Variants in CMSS1 observed in about 807,000 individuals in gnomAD.
The protein encoded by CMSS1 is protein CMSS1.
A neutral mutation model predicts 43.5 loss-of-function variants in CMSS1; 33 were observed. That is an observed-to-expected ratio of 0.76 (90% CI 0.57 to 1.01). The LOEUF (loss-of-function observed/expected upper bound fraction) is 1.01. CMSS1 is among the 50% of genes least tolerant of loss of function. The pLI, the probability that CMSS1 is intolerant of heterozygous loss-of-function variation, is 0.00. For missense variants in CMSS1, 313 were observed against 326.4 expected (o/e 0.96, Z 0.32); for synonymous variants, 115 against 117.2 (o/e 0.98, Z 0.12).
chr3:99,924,532 G>T, intron 1 of CMSS1: 2 of 1,008,530 alleles, frequency 2.0e-6, no homozygotes, highest in Non-Finnish European at 3.0e-6. Flanking sequence ...TTGTTTGTTT[G>T]TTTTGAAACA....
intron 1 of CMSS1, among the ~76,000 whole-genome samples, chr3:100,134,479 C>T (rs1483061854): frequency 1.3e-5 from 2 of 152,056 alleles, no homozygotes; most frequent in Non-Finnish European, 1.5e-5. Context: ...CAAATAAGTT[C>T]GAGGATGGCC....
intron 1 of CMSS1, among the ~76,000 whole-genome samples, chr3:100,000,576 G>A (rs183635440): frequency 6.6e-6 from 1 of 152,194 alleles, no homozygotes; most frequent in Non-Finnish European, 1.5e-5. Context: ...CTGACCAGGC[G>A]CAGTAGCTTA....
chr3:100,138,497 A>G (rs1423463202), intron 1 of CMSS1, among the ~76,000 whole-genome samples: 1 of 152,194 alleles, frequency 6.6e-6, no homozygotes, highest in Non-Finnish European at 1.5e-5. Flanking sequence ...AATTTACAAG[A>G]AAAAAACAAC....
At chr3:99,851,445 C>T in intron 1 of CMSS1, among the ~76,000 whole-genome samples, 1 of 152,214 alleles carries the variant, frequency 6.6e-6, no homozygotes, top group Admixed American at 6.5e-5. Flanking sequence ...CGACCCTACT[C>T]TTACCAACTA....
At chr3:99,930,739 C>G (rs1260909307) in intron 1 of CMSS1, 1 of 1,607,442 alleles carries the variant, frequency 6.2e-7, no homozygotes, top group South Asian at 1.1e-5. Flanking sequence ...CTGTTTGAAG[C>G]ATGATGGGGA....
At chr3:100,174,838 CTA>C (rs1294423856) in intron 8 of CMSS1, among the ~76,000 whole-genome samples, 1 of 152,176 alleles carries the variant, frequency 6.6e-6, no homozygotes, top group Non-Finnish European at 1.5e-5. Flanking sequence ...GATTTTCTGA[CTA>C]TAGGAGCCTT....
chr3:100,135,437 CATGTGTGT>C (rs1220900334), intron 1 of CMSS1, among the ~76,000 whole-genome samples: 45 of 60,186 alleles, frequency 7.5e-4, no homozygotes, highest in Middle Eastern at 0.01. Flanking sequence ...TGTGTGTGTG[CATGTGTGT>C]GTGTGTGTGT....
intron 1 of CMSS1, among the ~76,000 whole-genome samples, chr3:100,005,630 T>C (rs778990161): frequency 1.3e-5 from 2 of 152,224 alleles, no homozygotes; most frequent in Non-Finnish European, 2.9e-5. Context: ...ATTTATAAAA[T>C]ATAGCCAGAA....
intron 1 of CMSS1, among the ~76,000 whole-genome samples, chr3:99,840,680 A>C (rs1270862482): frequency 1.3e-5 from 2 of 152,220 alleles, no homozygotes; most frequent in Non-Finnish European, 2.9e-5. Flanking sequence ...TAAATGATTT[A>C]AGGAGGGTGG....
intron 1 of CMSS1, among the ~76,000 whole-genome samples, chr3:100,038,938 G>A (rs1428097665): frequency 6.6e-6 from 1 of 152,156 alleles, no homozygotes; most frequent in Non-Finnish European, 1.5e-5. Context: ...GTACATGTTT[G>A]TCTGCATATG....
At chr3:99,876,156 G>C (rs1705506177) in intron 1 of CMSS1, 9 of 985,798 alleles carry the variant, frequency 9.1e-6, no homozygotes, top group Non-Finnish European at 1.1e-5. Context: ...CGCGCTCCGA[G>C]AGTCGCCCGA....
At chr3:99,983,486 ATATATATATATATATATATATATG>A (rs1709227800) in intron 1 of CMSS1, among the ~76,000 whole-genome samples, 4 of 23,560 alleles carry the variant, frequency 1.7e-4, no homozygotes, top group Non-Finnish European at 2.6e-4. Flanking sequence ...ATATATATAT[ATATATATATATATATATATATATG>A]TATATATATA....
chr3:100,036,094 AATAT>A (rs1348857075), intron 1 of CMSS1, among the ~76,000 whole-genome samples: 2 of 152,218 alleles, frequency 1.3e-5, no homozygotes, highest in African/African-American at 4.8e-5. Flanking sequence ...GCATAAACTT[AATAT>A]AAAAGGAATT....
intron 8 of CMSS1, among the ~76,000 whole-genome samples, chr3:100,176,052 A>C (rs561036908): frequency 6.6e-6 from 1 of 152,164 alleles, no homozygotes; most frequent in East Asian, 1.9e-4. Context: ...GCTTCATGAA[A>C]TGGATGCCTG....
Position 99,841,033 on chromosome 3 carries a change from T to C in CMSS1, c.64+22990T>C, listed in dbSNP as rs542628189. 2.6e-5 allele frequency among the ~76,000 whole-genome samples: 4 copies of C among 152,376 alleles called. 1 individual carries two copies. The highest frequency in any genetic ancestry group is 9.6e-5 in the African/African-American group (4 of 41,590). ...CTCTTCAAGGGCAGTGAATCTTTCA[T>C]CTCCATAATATCTGCCCCAGTGGCA... On this transcript the variant is annotated intron_variant, in intron 1 of 9. Transcript: ENST00000421999.
At chr3:99,948,268 C>G (rs913750821) in intron 1 of CMSS1, among the ~76,000 whole-genome samples, 1 of 151,782 alleles carries the variant, frequency 6.6e-6, no homozygotes, top group African/African-American at 2.4e-5. Flanking sequence ...GTCTCACACC[C>G]GATCACTTGA....
chr3:100,160,291 C>T (rs1312962573), intron 2 of CMSS1, 139 bp from the exon 3 acceptor site: 2 of 613,672 alleles, frequency 3.3e-6, no homozygotes, highest in Admixed American at 5.9e-5. Context: ...GTAGATCTTC[C>T]AGCATCTCTC....
At chr3:99,874,461 C>T (rs1237906276) in intron 1 of CMSS1, 3 of 152,184 alleles carry the variant, frequency 2.0e-5, no homozygotes, top group Non-Finnish European at 4.4e-5. Context: ...GTGTTGGCCC[C>T]GCTCTTCTCA....
At chr3:99,874,044 T>C (rs1265877616) in intron 1 of CMSS1, among the ~76,000 whole-genome samples, 3 of 152,232 alleles carry the variant, frequency 2.0e-5, no homozygotes, top group Non-Finnish European at 2.9e-5. Context: ...TGATAAGTCA[T>C]ACTTAGCTTT....
Sources: gnomAD v4.1 joint callset for allele counts (sites outside exome capture counted in the v4.1 genomes callset) on GRCh38, gnomAD v4.1.1 for gene constraint, MANE v1.5 for transcripts, NCBI Gene and HGNC (gene_info 2026-07-23, HGNC 2026-07-21) for gene names.